The following CECR2 variants were observed in gnomAD, a reference collection of about 807,000 sequenced individuals.
CECR2 encodes CECR2 histone acetyl-lysine reader, also known as chromatin remodeling regulator CECR2.
CECR2 carries 30 observed loss-of-function variants against 154.5 expected under a neutral mutation model. That is an observed-to-expected ratio of 0.19 (90% CI 0.15 to 0.26). CECR2 has a LOEUF of 0.26. Ranked by LOEUF, CECR2 falls within the 10% of genes least tolerant of loss-of-function variation. The pLI is 1.00. For synonymous variants in CECR2, 725 were observed against 683.7 expected (o/e 1.06, Z -0.94); for missense variants, 1,743 against 1,829.3 (o/e 0.95, Z 0.86).
At chr22:17,529,699 C>CAA (rs34980904) in intron 9 of CECR2, among the ~76,000 whole-genome samples, 14 of 100,534 alleles carry the variant, frequency 1.4e-4, no homozygotes, top group South Asian at 3.2e-4. Context: ...GATTCCGTCT[C>CAA]AAAAAAAAAA....
chr22:17,509,446 A>G (rs1467199275), intron 7 of CECR2, among the ~76,000 whole-genome samples: 1 of 148,362 alleles, frequency 6.7e-6, no homozygotes, highest in Non-Finnish European at 1.5e-5. Context: ...TTTTTTAAAC[A>G]GAGACAGGGA....
intron 1 of CECR2, among the ~76,000 whole-genome samples, chr22:17,449,689 C>T (rs1373827236): frequency 6.6e-6 from 1 of 151,784 alleles, no homozygotes; most frequent in Non-Finnish European, 1.5e-5. Flanking sequence ...CGGGGTTTCA[C>T]TGTGTTAGTC....
chr22:17,451,461 G>A (rs1278094126), intron 1 of CECR2, among the ~76,000 whole-genome samples: 1 of 152,166 alleles, frequency 6.6e-6, no homozygotes, highest in Non-Finnish European at 1.5e-5. Context: ...GGGGAAGCTA[G>A]GACGAGATTG....
intron 2 of CECR2, among the ~76,000 whole-genome samples, chr22:17,485,588 G>A (rs184503904): frequency 7.4e-4 from 113 of 152,220 alleles, no homozygotes; most frequent in African/African-American, 2.6e-3. Context: ...GGGCAACATG[G>A]TGAAACCCCG....
chr22:17,379,394 G>T (rs889965232), intron 1 of CECR2, among the ~76,000 whole-genome samples: 15 of 152,218 alleles, frequency 9.9e-5, no homozygotes, highest in African/African-American at 2.7e-4. Flanking sequence ...CTGAAGCAGG[G>T]CCTGGCTGCC....
intron 1 of CECR2, among the ~76,000 whole-genome samples, chr22:17,413,210 A>G (rs2054092749): frequency 6.6e-6 from 1 of 152,152 alleles, no homozygotes; most frequent in Non-Finnish European, 1.5e-5. Context: ...TTGTGAGGAA[A>G]ACACAGAGGA....
intron 1 of CECR2, among the ~76,000 whole-genome samples, chr22:17,378,556 GA>G (rs1439809795): frequency 5.3e-5 from 8 of 152,184 alleles, no homozygotes; most frequent in African/African-American, 1.9e-4. Context: ...AAAGTGTTGG[GA>G]TTACAGGTGT....
intron 1 of CECR2, among the ~76,000 whole-genome samples, chr22:17,373,628 A>G (rs1447945677): frequency 1.3e-5 from 2 of 152,144 alleles, no homozygotes; most frequent in Non-Finnish European, 2.9e-5. Context: ...ATAGCTGGAA[A>G]ACAGATGAAT....
chr22:17,472,162 C>T (rs2055138196), intron 1 of CECR2, among the ~76,000 whole-genome samples: 1 of 152,202 alleles, frequency 6.6e-6, no homozygotes, highest in South Asian at 2.1e-4. Flanking sequence ...GGATCCATCT[C>T]TTGGCCAACT....
intron 9 of CECR2, among the ~76,000 whole-genome samples, chr22:17,531,998 A>C (rs988649517): frequency 7.9e-4 from 120 of 152,000 alleles, no homozygotes; most frequent in African/African-American, 2.7e-3. Flanking sequence ...ATGAGGCCCC[A>C]TCTCTACAGA....
At chr22:17,367,423 C>T (rs2063008036), upstream of CECR2, among the ~76,000 whole-genome samples, 1 of 152,044 alleles carries the variant, frequency 6.6e-6, no homozygotes, top group Admixed American at 6.6e-5. Flanking sequence ...CTCACTCTTA[C>T]TGCTCAGGCT....
At chr22:17,544,691 T>A in intron 16 of CECR2, among the ~76,000 whole-genome samples, 1 of 149,520 alleles carries the variant, frequency 6.7e-6, no homozygotes, top group East Asian at 2.0e-4. Flanking sequence ...GTGCCTGTAG[T>A]CCCAGCTACT....
chr22:17,491,044 A>G (rs1043320124), intron 2 of CECR2, among the ~76,000 whole-genome samples: 15 of 148,698 alleles, frequency 1.0e-4, no homozygotes, highest in Non-Finnish European at 1.4e-4. Context: ...ATGTTGTAGC[A>G]TGAATCAGTA....
intron 1 of CECR2, among the ~76,000 whole-genome samples, chr22:17,363,498 G>A (rs753147811): frequency 2.0e-5 from 3 of 151,602 alleles, no homozygotes; most frequent in Admixed American, 6.6e-5. Context: ...GTGAGCCACC[G>A]TGCCAGGCCA....
In CECR2 at chr22:17,554,967, T is replaced by G. The variant is rs1452584591; in HGVS notation, c.*2127T>G. On this transcript the variant is annotated 3_prime_UTR_variant, in exon 19 of 19. Coordinates refer to ENST00000262608, the MANE Select transcript of CECR2 (RefSeq NM_001290047.2). ...AGAATTTGGCCACTGACAGCCTTTC[T>G]CTTTTCCTGGTAATGCTGGTTTGAA... is the stretch of plus-strand genomic sequence containing the variant. 1 of 152,310 alleles carries G rather than the reference T, an allele frequency of 6.6e-6. No individual in the cohort carries two copies. The highest frequency in any genetic ancestry group is 1.9e-4 in the East Asian group (1 of 5,196). The allele number at this position is 152,310 out of a possible 1,614,324, so 9.4% of individuals were successfully genotyped here. A position where few individuals can be genotyped will look rare whatever the true frequency, so the allele number is the denominator to read the frequency against.
chr22:17,467,507 G>C (rs1024675671), intron 1 of CECR2, among the ~76,000 whole-genome samples: 1 of 151,908 alleles, frequency 6.6e-6, no homozygotes, highest in Non-Finnish European at 1.5e-5. Context: ...AAAGGTCCCG[G>C]GTGCGGTGGC....
intron 1 of CECR2, among the ~76,000 whole-genome samples, chr22:17,445,021 A>G (rs1418644611): frequency 6.6e-6 from 1 of 152,244 alleles, no homozygotes; most frequent in African/African-American, 2.4e-5. Flanking sequence ...TCAAACAGCT[A>G]TAATTTTATT....
chr22:17,557,109 T>G lies in CECR2; in HGVS notation c.*4269T>G, dbSNP rs1017202304. On this transcript the variant is annotated 3_prime_UTR_variant, in exon 19 of 19. Transcript: ENST00000262608. ...ACTTTCCCCTTGGGACAGTAGTGTTTGGGTGAATGTTACTGCATCCCGTTT... is the reference window on the plus strand; with the variant it reads ...ACTTTCCCCTTGGGACAGTAGTGTTGGGGTGAATGTTACTGCATCCCGTTT... The G allele has an allele frequency of 4.0e-5, 6 of 151,864 alleles. No homozygotes were observed. The highest frequency in any genetic ancestry group is 1.4e-4 in the African/African-American group (6 of 41,398). 9.4% of individuals were successfully genotyped at this position (151,864 alleles called of 1,614,324 possible).
At chr22:17,435,851 G>A (rs1347819970) in intron 1 of CECR2, among the ~76,000 whole-genome samples, 1 of 152,056 alleles carries the variant, frequency 6.6e-6, no homozygotes, top group African/African-American at 2.4e-5. Flanking sequence ...TTAGATTTGG[G>A]GTCATAGCTA....
Sources: allele counts gnomAD v4.1 joint callset (sites outside exome capture counted in the v4.1 genomes callset), GRCh38; gene constraint gnomAD v4.1.1; transcripts MANE v1.5; gene names NCBI Gene and HGNC (gene_info 2026-07-23, HGNC 2026-07-21).